The following GSE1 variants were observed in gnomAD, a reference collection of about 807,000 sequenced individuals.
GSE1 encodes genetic suppressor element 1.
In GSE1, 32 loss-of-function variants were observed where a neutral mutation model predicts 112.6. The observed-to-expected ratio is 0.28, with a 90% CI of 0.21 to 0.38. GSE1 has a LOEUF of 0.38. GSE1 is among the 10% of genes least tolerant of loss of function. GSE1 has a pLI of 1.00. For missense variants in GSE1, 2,348 were observed against 1,699.2 expected (o/e 1.38, Z -6.71); for synonymous variants, 1,115 against 735.6 (o/e 1.52, Z -8.35).
intron 2 of GSE1, among the ~76,000 whole-genome samples, chr16:85,450,894 C>G (rs977161677): frequency 5.9e-5 from 9 of 152,000 alleles, no homozygotes; most frequent in African/African-American, 1.9e-4. Flanking sequence ...AACCATCCCC[C>G]TGCCCCCTGT....
At chr16:85,337,311 T>C (rs1038247372) in intron 1 of GSE1, among the ~76,000 whole-genome samples, 31 of 142,910 alleles carry the variant, frequency 2.2e-4, no homozygotes, top group Non-Finnish European at 4.2e-4. Flanking sequence ...TCTTTTCTTT[T>C]TTTTTTTTTT....
At chr16:85,618,428 T>A (rs2048516494) in intron 1 of GSE1, among the ~76,000 whole-genome samples, 1 of 152,198 alleles carries the variant, frequency 6.6e-6, no homozygotes, top group Non-Finnish European at 1.5e-5. Context: ...GAGCCCCTGA[T>A]GAGTGTCAGC....
At chr16:85,256,804 A>G (rs546733867) in intron 1 of GSE1, among the ~76,000 whole-genome samples, 108 of 152,366 alleles carry the variant, frequency 7.1e-4, no homozygotes, top group African/African-American at 2.5e-3. Context: ...TTTACTCTCC[A>G]GCTTTGGGGC....
At position 85,662,893 on chromosome 16, in the gene GSE1, G is replaced by T. The variant is rs145209523; in HGVS notation, c.2261-88G>T. ...GGTGCCAGCAGGCCTGGCCTGATAG[G>T]TGCTCTGCACACATGAGGCCCTGCG... On this transcript the variant is annotated intron_variant, in intron 9 of 15. Transcript: ENST00000253458. 6.8e-3 allele frequency: 6,235 copies of T among 919,178 alleles called. 36 individuals carry two copies. The highest frequency in any genetic ancestry group is 9.8e-3 in the Non-Finnish European group (5,608 of 572,222). 56.9% of individuals were successfully genotyped at this position (919,178 alleles called of 1,614,324 possible).
chr16:85,492,012 C>G (rs1446904562), intron 2 of GSE1, among the ~76,000 whole-genome samples: 1 of 152,118 alleles, frequency 6.6e-6, no homozygotes, highest in Non-Finnish European at 1.5e-5. Flanking sequence ...GCACCACCAC[C>G]ACCACCGAGG....
chr16:85,571,676 T>C (rs966492112), intron 1 of GSE1, among the ~76,000 whole-genome samples: 1 of 151,992 alleles, frequency 6.6e-6, no homozygotes, highest in East Asian at 1.9e-4. Flanking sequence ...CTTTTGACAT[T>C]AAACACAGGA....
intron 1 of GSE1, among the ~76,000 whole-genome samples, chr16:85,614,992 C>G (rs542731166): frequency 6.6e-6 from 1 of 152,322 alleles, no homozygotes; most frequent in South Asian, 2.1e-4. Context: ...GAAATGTGCC[C>G]CCTGGTCGGC....
At chr16:85,308,465 A>G (rs1040188922) in intron 1 of GSE1, among the ~76,000 whole-genome samples, 8 of 152,184 alleles carry the variant, frequency 5.3e-5, no homozygotes, top group African/African-American at 1.9e-4. Flanking sequence ...CGCAATACTG[A>G]TTACAAACAG....
chr16:85,458,214 T>G (rs2151817715), intron 2 of GSE1, among the ~76,000 whole-genome samples: 1 of 152,320 alleles, frequency 6.6e-6, no homozygotes, highest in East Asian at 1.9e-4. Flanking sequence ...GGGGACCCCC[T>G]GCCTCGCTCC....
At chr16:85,357,774 CG>C in intron 2 of GSE1, 1 of 445,372 alleles carries the variant, frequency 2.2e-6, no homozygotes, top group Admixed American at 3.4e-5. Context: ...GGGGAGAGAC[CG>C]GGTGCTGGGT....
intron 2 of GSE1, among the ~76,000 whole-genome samples, chr16:85,477,709 C>T (rs1269485986): frequency 5.9e-5 from 9 of 151,928 alleles, no homozygotes; most frequent in East Asian, 3.9e-4. Flanking sequence ...TAGAGGCACC[C>T]GCCACCATGC....
At chr16:85,277,492 C>G (rs1054298449) in intron 1 of GSE1, among the ~76,000 whole-genome samples, 2 of 151,988 alleles carry the variant, frequency 1.3e-5, no homozygotes, top group South Asian at 4.2e-4. Flanking sequence ...GATGTGTATG[C>G]GAGTCACCTG....
chr16:85,657,660 G>A, intron 8 of GSE1, 56 bp downstream of exon 8: 1 of 1,248,644 alleles, frequency 8.0e-7, no homozygotes, highest in South Asian at 1.6e-5. Context: ...GATTTGTTCA[G>A]CGTGTATTGA....
intron 1 of GSE1, among the ~76,000 whole-genome samples, chr16:85,583,067 C>T (rs1318309855): frequency 1.3e-5 from 2 of 152,166 alleles, no homozygotes; most frequent in Admixed American, 1.3e-4. Flanking sequence ...CAGGGTACAC[C>T]CCCAGCTCTC....
At chr16:85,195,272 CT>C (rs1472848104) in intron 1 of GSE1, among the ~76,000 whole-genome samples, 3 of 152,206 alleles carry the variant, frequency 2.0e-5, no homozygotes, top group African/African-American at 7.2e-5. Flanking sequence ...GTGAACGACG[CT>C]GTAACAAAAC....
chr16:85,199,652 G>A (rs2074992670), intron 1 of GSE1, among the ~76,000 whole-genome samples: 1 of 152,164 alleles, frequency 6.6e-6, no homozygotes, highest in Non-Finnish European at 1.5e-5. Flanking sequence ...GGAACACCGA[G>A]TTTGCAGCTC....
chr16:85,437,912 A>G (rs548701857), intron 2 of GSE1, among the ~76,000 whole-genome samples: 11 of 152,290 alleles, frequency 7.2e-5, no homozygotes, highest in African/African-American at 2.6e-4. Context: ...CTTGATGACA[A>G]TAGTACCTGC....
At chr16:85,520,534 G>A (rs896025004) in intron 2 of GSE1, among the ~76,000 whole-genome samples, 2 of 151,430 alleles carry the variant, frequency 1.3e-5, no homozygotes, top group African/African-American at 4.9e-5. Flanking sequence ...TGATTCTCCT[G>A]CCTCAGCCTC....
At chr16:85,601,034 A>T (rs2047442169) in intron 1 of GSE1, among the ~76,000 whole-genome samples, 1 of 151,702 alleles carries the variant, frequency 6.6e-6, no homozygotes. Context: ...ATCCAGGAGG[A>T]CTCCCTGGAG....
Sources: gnomAD v4.1 joint callset for allele counts (sites outside exome capture counted in the v4.1 genomes callset) on GRCh38, gnomAD v4.1.1 for gene constraint, MANE v1.5 for transcripts, NCBI Gene and HGNC (gene_info 2026-07-23, HGNC 2026-07-21) for gene names.